Variants in ANK2 observed in about 807,000 individuals in gnomAD.
ANK2 encodes ankyrin-2.
In ANK2, 83 loss-of-function variants were observed where a neutral mutation model predicts 360.5. That is an observed-to-expected ratio of 0.23 (90% CI 0.19 to 0.28). The LOEUF is 0.28. ANK2 is among the 10% of genes least tolerant of loss of function. The pLI is 1.00. For synonymous variants in ANK2, 1,740 were observed against 1,759.5 expected (o/e 0.99, Z 0.28); for missense variants, 4,201 against 4,795.7 (o/e 0.88, Z 3.66).
intron 1 of ANK2, among the ~76,000 whole-genome samples, chr4:113,139,117 T>G (rs925322017): frequency 6.6e-6 from 1 of 152,138 alleles, no homozygotes; most frequent in Non-Finnish European, 1.5e-5. Flanking sequence ...TGAGTCCTCT[T>G]TGATAGATAG....
intron 43 of ANK2, among the ~76,000 whole-genome samples, chr4:113,371,716 T>C (rs2096745075): frequency 6.6e-6 from 1 of 152,246 alleles, no homozygotes; most frequent in South Asian, 2.1e-4. Context: ...AGTAGATTCC[T>C]GATTATATTT....
At chr4:112,831,559 ACT>A (rs1018988329) in intron 1 of ANK2, among the ~76,000 whole-genome samples, 1 of 132,394 alleles carries the variant, frequency 7.6e-6, no homozygotes, top group African/African-American at 3.0e-5. Context: ...GGACCAATCA[ACT>A]CTCTGTAAAA....
chr4:112,853,074 A>ATT (rs111324851), intron 1 of ANK2, among the ~76,000 whole-genome samples: 2 of 146,422 alleles, frequency 1.4e-5, no homozygotes, highest in African/African-American at 2.5e-5. Context: ...CATCTGGCTA[A>ATT]TTTTTTTTTT....
At chr4:112,898,759 G>A (rs2082435193) in intron 1 of ANK2, among the ~76,000 whole-genome samples, 1 of 152,134 alleles carries the variant, frequency 6.6e-6, no homozygotes, top group Non-Finnish European at 1.5e-5. Context: ...AATGAACATA[G>A]ACGTAAATAA....
chr4:113,185,028 C>T (rs1445307783), intron 2 of ANK2, among the ~76,000 whole-genome samples: 2 of 152,168 alleles, frequency 1.3e-5, no homozygotes, highest in Non-Finnish European at 2.9e-5. Flanking sequence ...CTGCAAAGGA[C>T]ATGAACTCAT....
At chr4:112,982,029 T>G (rs1344313872) in intron 2 of ANK2, among the ~76,000 whole-genome samples, 5 of 152,168 alleles carry the variant, frequency 3.3e-5, no homozygotes, top group Non-Finnish European at 7.3e-5. Context: ...GCAGTGACCC[T>G]TCCCTTAATT....
At chr4:112,952,549 G>T (rs1222292921) in intron 2 of ANK2, among the ~76,000 whole-genome samples, 2 of 152,092 alleles carry the variant, frequency 1.3e-5, no homozygotes, top group South Asian at 4.2e-4. Flanking sequence ...AGCATATTAT[G>T]ACATGTTTTA....
chr4:112,749,517 C>A, the ANK2 span, among the ~76,000 whole-genome samples: 13 of 152,120 alleles, frequency 8.5e-5, no homozygotes, highest in Non-Finnish European at 1.9e-4. Flanking sequence ...GAGCTCTTTA[C>A]TCCAGACTTT....
intron 2 of ANK2, among the ~76,000 whole-genome samples, chr4:112,953,773 A>T (rs2095179022): frequency 6.6e-6 from 1 of 152,122 alleles, no homozygotes; most frequent in Non-Finnish European, 1.5e-5. Context: ...TTTGACGAGG[A>T]TTATTACCAG....
At chr4:113,004,306 T>C (rs2051939264) in intron 2 of ANK2, among the ~76,000 whole-genome samples, 1 of 152,216 alleles carries the variant, frequency 6.6e-6, no homozygotes, top group Non-Finnish European at 1.5e-5. Flanking sequence ...ATTGTACAAT[T>C]ATACAATTAG....
In ANK2 at chr4:113,353,172, C is replaced by T. The variant is rs747525865; in HGVS notation, c.4554C>T (p.Thr1518=). The change falls in exon 38 of 46, where the codon ACC becomes ACT. Residue 1518 remains threonine (T), a synonymous_variant. Coordinates refer to ENST00000357077, the MANE Select transcript of ANK2 (RefSeq NM_001148.6). ...TGAAACAAGATTTGATCAAAATGAC[C>T]GCCATCTTGACCACAGATGTGTCTG... The part of the protein sequence containing the change: ...SEMKQDLIKM[T]AILTTDVSDK... 1.9e-5 allele frequency: 31 copies of T among 1,613,854 alleles called. No individual in the cohort carries two copies. The highest frequency in any genetic ancestry group is 1.9e-4 in the South Asian group (17 of 91,078).
chr4:112,994,354 G>T (rs1256719403), intron 2 of ANK2, among the ~76,000 whole-genome samples: 1 of 152,084 alleles, frequency 6.6e-6, no homozygotes, highest in Non-Finnish European at 1.5e-5. Context: ...ATAAATGGAT[G>T]GACACAATTC....
the ANK2 span, among the ~76,000 whole-genome samples, chr4:112,743,898 A>C: frequency 6.8e-6 from 1 of 147,880 alleles, no homozygotes. Flanking sequence ...TGGCGGATCC[A>C]GCTCACTACA....
chr4:112,985,546 C>T (rs1346460432), intron 2 of ANK2, among the ~76,000 whole-genome samples: 1 of 152,120 alleles, frequency 6.6e-6, no homozygotes, highest in East Asian at 1.9e-4. Context: ...CCATATTTGT[C>T]AAGTGGTTCT....
intron 4 of ANK2, among the ~76,000 whole-genome samples, chr4:113,219,843 T>C (rs187054311): frequency 4.2e-4 from 64 of 152,312 alleles, no homozygotes; most frequent in Middle Eastern, 6.8e-3. Context: ...GTACAAACTA[T>C]ATTTTGGTAT....
At position 113,358,998 on chromosome 4, in the gene ANK2, A is replaced by T; in HGVS notation, c.10380A>T (p.Thr3460=). ...CCTGCAGGGGGGGCACGAGCCCCAC[A>T]AAAGAAAGTAAGGAGCATTTCTTTG... is the stretch of plus-strand genomic sequence containing the variant. The part of the protein sequence containing the change: ...TSSCRGGTSP[T]KESKEHFFDL... Residue 3460 remains threonine, a synonymous_variant, in exon 38 of 46, where the codon ACA becomes ACT. Transcript: ENST00000357077. 6.2e-7 allele frequency: 1 copy of T among 1,614,124 alleles called. No individual in the cohort carries two copies. Among genetic ancestry groups the T allele is most frequent in the Non-Finnish European group, 8.5e-7 (1 of 1,179,974 alleles).
chr4:113,014,022 A>G (rs1043198947), intron 2 of ANK2, among the ~76,000 whole-genome samples: 1 of 152,182 alleles, frequency 6.6e-6, no homozygotes, highest in Non-Finnish European at 1.5e-5. Flanking sequence ...AATTAAAATA[A>G]CTACATATTT....
chr4:113,277,242 A>G (rs1236996498), intron 15 of ANK2, among the ~76,000 whole-genome samples: 2 of 152,242 alleles, frequency 1.3e-5, no homozygotes, highest in Non-Finnish European at 2.9e-5. Context: ...GGTCTTTTAG[A>G]CAGTGTGAGT....
At position 113,171,536 on chromosome 4, in the gene ANK2, G is replaced by A. The variant is rs536915639; in HGVS notation, c.85-2880G>A. ...TTTAATGCATTTTCTCACTTTGGGG[G>A]AAACCAAATCCCTTAAAGGGGTTCT... On this transcript the variant is annotated intron_variant, in intron 1 of 45. Transcript: ENST00000357077. Among the ~76,000 whole-genome samples, 31 of 152,122 alleles carry A rather than the reference G, an allele frequency of 2.0e-4. 1 individual carries two copies. The South Asian group carries it at 5.8e-3, about 29-fold the overall frequency.
Sources: allele counts gnomAD v4.1 joint callset (sites outside exome capture counted in the v4.1 genomes callset), GRCh38; gene constraint gnomAD v4.1.1; transcripts MANE v1.5; gene names NCBI Gene and HGNC (gene_info 2026-07-23, HGNC 2026-07-21).